The following SMG1 variants were observed in gnomAD, a reference collection of about 807,000 sequenced individuals.
SMG1 encodes the protein serine/threonine-protein kinase SMG1.
SMG1 carries 22 observed loss-of-function variants against 419.9 expected under a neutral mutation model. That is an observed-to-expected ratio of 0.05 (90% confidence interval 0.04 to 0.07). The LOEUF (loss-of-function observed/expected upper bound fraction) is 0.07, where lower values mean the gene tolerates loss of function less well. Ranked by LOEUF, SMG1 falls within the 10% of genes least tolerant of loss-of-function variation. SMG1 has a pLI of 1.00. For missense variants in SMG1, 3,185 were observed against 4,342.0 expected (o/e 0.73, Z 7.49); for synonymous variants, 1,538 against 1,553.5 (o/e 0.99, Z 0.23).
chr16:18,905,440 A>G (rs1482132762), intron 1 of SMG1, among the ~76,000 whole-genome samples: 1 of 152,040 alleles, frequency 6.6e-6, no homozygotes, highest in African/African-American at 2.4e-5. Flanking sequence ...TATTCCTACC[A>G]AGGTAGGAAC....
At position 18,872,607 on chromosome 16, in the gene SMG1, T is replaced by C. The variant is rs2035884004; in HGVS notation, c.1908A>G (p.Pro636=). The part of the protein sequence containing the change: ...NSLIGMWALS[P]TVFALLSKNL... ...TCTTACTCAGAAGTGCAAAGACAGT[T>C]GGAGATAGCGCCCACATCTGATCAT... is the stretch of plus-strand genomic sequence containing the variant. The change falls in exon 14 of 63, where the codon CCA becomes CCG. Residue 636 remains proline (P), a synonymous_variant. Transcript: ENST00000446231. 2 of 1,466,258 alleles carry C rather than the reference T, an allele frequency of 1.4e-6. No individual in the cohort carries two copies. The highest frequency in any genetic ancestry group is 2.4e-5 in the Admixed American group (1 of 41,952). 90.8% of individuals were successfully genotyped at this position (1,466,258 alleles called of 1,614,324 possible).
rs1407770798 is a variant in SMG1, at chr16:18,921,676, CG to C, written c.92+4273del. ...TAATTTTATCCTTTATGTATTTCCCCGTATTATGTACCTATGGACATCAAAC... is the reference window on the plus strand; with the variant it reads ...TAATTTTATCCTTTATGTATTTCCCCTATTATGTACCTATGGACATCAAAC... On this transcript the variant is annotated intron_variant, in intron 1 of 62. Transcript: ENST00000446231. Among the ~76,000 whole-genome samples, 11 of 152,210 alleles carry C rather than the reference CG, an allele frequency of 7.2e-5. No individual in the cohort carries two copies. In the East Asian group the frequency reaches 2.1e-3, roughly 29 times the overall value.
At chr16:18,855,074 A>C (rs2034822647) in intron 29 of SMG1, among the ~76,000 whole-genome samples, 170 bp from the exon 30 acceptor site, 1 of 152,226 alleles carries the variant, frequency 6.6e-6, no homozygotes, top group African/African-American at 2.4e-5. Flanking sequence ...GATACAATGA[A>C]CAGGTTTTGC....
Position 18,830,263 on chromosome 16 carries a change from T to C in SMG1, c.8899A>G (p.Met2967Val), listed in dbSNP as rs768804651. 3.1e-6 allele frequency: 5 copies of C among 1,613,990 alleles called. No homozygotes were observed. Among genetic ancestry groups the C allele is most frequent in the African/African-American group, 1.3e-5 (1 of 75,052 alleles). The stretch of plus-strand genomic sequence containing the variant: ...AAAGCAGTTTCAACTTGAGCAAACA[T>C]GCCATCGAATGCTACCAAAAGCATC... ...GQMLLVAFDG[M>V]FAQVETAFSL... The change falls in exon 52 of 63, where the codon ATG (methionine) becomes GTG (valine). Residue 2967 changes from methionine to valine, a missense_variant. Transcript: ENST00000446231.
At chr16:18,919,733 A>C (rs1472487672) in intron 1 of SMG1, among the ~76,000 whole-genome samples, 1 of 150,774 alleles carries the variant, frequency 6.6e-6, no homozygotes, top group Non-Finnish European at 1.5e-5. Flanking sequence ...TTACTGAATT[A>C]GAGTATTTCA....
intron 1 of SMG1, among the ~76,000 whole-genome samples, chr16:18,900,329 T>A (rs1379333794): frequency 6.6e-6 from 1 of 152,200 alleles, no homozygotes; most frequent in African/African-American, 2.4e-5. Context: ...TTTAGCTACC[T>A]ATTCTCAATA....
At chr16:18,903,903 T>C (rs1567448151) in intron 1 of SMG1, among the ~76,000 whole-genome samples, 1 of 151,824 alleles carries the variant, frequency 6.6e-6, no homozygotes, top group Non-Finnish European at 1.5e-5. Flanking sequence ...TGGATCTGTC[T>C]ATTCCCCCCA....
chr16:18,849,110 T>G, intron 36 of SMG1, 107 bp downstream of exon 36: 1 of 227,440 alleles, frequency 4.4e-6, no homozygotes, highest in Non-Finnish European at 7.4e-6. Context: ...AAAAAAACCC[T>G]ACAAACTCTA....
In SMG1 at chr16:18,868,630, T is replaced by C; in HGVS notation, c.2923A>G (p.Asn975Asp). ...TTADNDEGHGNNQLRLVLLLQ... is the reference protein window; with the variant it reads ...TTADNDEGHGDNQLRLVLLLQ... The stretch of plus-strand genomic sequence containing the variant: ...AGAAGAACAAGTCTAAGTTGGTTGT[T>C]ACCATGGCCTTCATCATTGTCTGCA... The change falls in exon 21 of 63, where the codon AAC becomes GAC. Residue 975 changes from asparagine to aspartate, a missense_variant. Around this residue, in one of 27 missense-constraint regions of SMG1, gnomAD observed 70 missense variants for 185.7 expected, o/e 0.38. Transcript: ENST00000446231. 2.5e-6 allele frequency: 4 copies of C among 1,582,464 alleles called. No homozygotes were observed. Among genetic ancestry groups the C allele is most frequent in the Non-Finnish European group, 3.4e-6 (4 of 1,166,136 alleles).
At chr16:18,896,495 T>C (rs2037133426) in intron 2 of SMG1, among the ~76,000 whole-genome samples, 1 of 152,220 alleles carries the variant, frequency 6.6e-6, no homozygotes, top group Non-Finnish European at 1.5e-5. Context: ...AGTTTAGAGA[T>C]AGTAGCCAAG....
At chr16:18,827,296 C>T (rs1330481074) in intron 55 of SMG1, among the ~76,000 whole-genome samples, 4 of 151,498 alleles carry the variant, frequency 2.6e-5, no homozygotes, top group African/African-American at 4.9e-5. Flanking sequence ...CATGGTGGTG[C>T]GTGCCTGTAG....
At chr16:18,870,221 CAT>C (rs957483446) in intron 18 of SMG1, among the ~76,000 whole-genome samples, 2 of 152,134 alleles carry the variant, frequency 1.3e-5, no homozygotes, top group East Asian at 1.9e-4. Context: ...GCATATCAAA[CAT>C]GTGAAAATAA....
At chr16:18,861,539 A>C (rs1441900811) in intron 25 of SMG1, 4 of 152,082 alleles carry the variant, frequency 2.6e-5, no homozygotes, top group African/African-American at 9.7e-5. Flanking sequence ...TCCCTTATAA[A>C]TCAGCCTGAG....
chr16:18,812,552 A>T (rs1393988117), intron 60 of SMG1, among the ~76,000 whole-genome samples: 2 of 151,126 alleles, frequency 1.3e-5, no homozygotes, highest in Non-Finnish European at 2.9e-5. Context: ...GAACTATTTT[A>T]TATATATATA....
chr16:18,882,120 CA>C, intron 10 of SMG1, 44 bp downstream of exon 10: 2 of 1,402,534 alleles, frequency 1.4e-6, no homozygotes, highest in Non-Finnish European at 1.9e-6. Flanking sequence ...CAGTGTAAAA[CA>C]ATTTTATTTT....
chr16:18,888,905 C>T (rs1393084369), intron 6 of SMG1, among the ~76,000 whole-genome samples: 1 of 147,820 alleles, frequency 6.8e-6, no homozygotes, highest in African/African-American at 2.5e-5. Context: ...TCACTGCAAG[C>T]TCCGCCTCGC....
rs2031179157 is a variant in SMG1, at chr16:18,809,621, G to C, written c.10934C>G (p.Thr3645Ser). ...CAGCTGAGCCAAGTTATCTAGATTA[G>C]TTGCTTCCTTAATGACATAGTCAAC... ...EQVDYVIKEA[T>S]NLDNLAQLYE... is the part of the protein sequence containing the mutation. Residue 3645 changes from threonine to serine, a missense_variant, in exon 63 of 63, where the codon ACT becomes AGT. Physicochemically the swap from Thr to Ser is moderately conservative, Grantham distance 58 (BLOSUM62 1). Coordinates refer to ENST00000446231, the MANE Select transcript of SMG1 (RefSeq NM_015092.5). 1.2e-6 allele frequency: 2 copies of C among 1,609,216 alleles called. No homozygotes were observed. Among genetic ancestry groups the C allele is most frequent in the Non-Finnish European group, 1.7e-6 (2 of 1,177,694 alleles).
At chr16:18,890,106 G>A (rs1386832227) in intron 5 of SMG1, among the ~76,000 whole-genome samples, 1 of 152,028 alleles carries the variant, frequency 6.6e-6, no homozygotes, top group Non-Finnish European at 1.5e-5. Flanking sequence ...CAAATCTTTG[G>A]GAATCACCAT....
At position 18,834,560 on chromosome 16, in the gene SMG1, T is replaced by G. The variant is rs985277186; in HGVS notation, c.8331-122A>C. 24 of 901,002 alleles carry G rather than the reference T, an allele frequency of 2.7e-5. 1 individual carries two copies. The highest frequency in any genetic ancestry group is 7.6e-5 in the Admixed American group (3 of 39,450). The allele number at this position is 901,002 out of a possible 1,614,324, so 55.8% of individuals were successfully genotyped here. On this transcript the variant is annotated intron_variant, in intron 49 of 62. Coordinates refer to ENST00000446231, the MANE Select transcript of SMG1 (RefSeq NM_015092.5). ...GGGAGGCCGAGGCAGGTAGATGACTTCAGGCCAGGAGTTCGAGACCAGCCT... is the reference window on the plus strand; with the variant it reads ...GGGAGGCCGAGGCAGGTAGATGACTGCAGGCCAGGAGTTCGAGACCAGCCT...
Sources: allele counts gnomAD v4.1 joint callset (sites outside exome capture counted in the v4.1 genomes callset), GRCh38; gene constraint gnomAD v4.1.1; regional missense constraint gnomAD v4.1.1; transcripts MANE v1.5; gene names NCBI Gene and HGNC (gene_info 2026-07-23, HGNC 2026-07-21).